The following SLC35F3 variants were observed in gnomAD, a reference collection of about 807,000 sequenced individuals.
The protein encoded by SLC35F3 is putative thiamine transporter SLC35F3.
SLC35F3 carries 25 observed loss-of-function variants against 49.9 expected under a neutral mutation model. That is an observed-to-expected ratio of 0.50 (90% CI 0.37 to 0.70). The LOEUF (loss-of-function observed/expected upper bound fraction) is 0.70, where lower values mean the gene tolerates loss of function less well. SLC35F3 is among the 30% of genes least tolerant of loss of function. The probability of loss-of-function intolerance (pLI) is 0.00; values close to 1 mark genes in which losing one functional copy is unlikely to be tolerated. For missense variants in SLC35F3, 525 were observed against 639.8 expected (o/e 0.82, Z 1.94); for synonymous variants, 275 against 265.4 (o/e 1.04, Z -0.35).
chr1:234,078,173 C>T (rs1468014715), intron 2 of SLC35F3, among the ~76,000 whole-genome samples: 1 of 152,138 alleles, frequency 6.6e-6, no homozygotes, highest in Non-Finnish European at 1.5e-5. Flanking sequence ...GGTTCCTTTC[C>T]TCTACCATTT....
chr1:234,101,403 G>C (rs1042460778), intron 2 of SLC35F3, among the ~76,000 whole-genome samples: 1 of 152,162 alleles, frequency 6.6e-6, no homozygotes, highest in African/African-American at 2.4e-5. Flanking sequence ...GGTGGAGATA[G>C]TAACAGAACC....
intron 2 of SLC35F3, among the ~76,000 whole-genome samples, chr1:233,997,514 C>T (rs953271375): frequency 6.6e-6 from 1 of 152,122 alleles, no homozygotes; most frequent in Non-Finnish European, 1.5e-5. Flanking sequence ...AGCACCTTTG[C>T]ATATACCTGT....
At chr1:234,268,942 C>T (rs1243349332) in intron 3 of SLC35F3, 1 of 152,178 alleles carries the variant, frequency 6.6e-6, no homozygotes, top group Non-Finnish European at 1.5e-5. Context: ...CACACACATA[C>T]ACACACAGAC....
At chr1:234,133,622 G>C (rs1030209861) in intron 2 of SLC35F3, among the ~76,000 whole-genome samples, 2 of 152,164 alleles carry the variant, frequency 1.3e-5, no homozygotes, top group Non-Finnish European at 2.9e-5. Flanking sequence ...ATAATCAAGA[G>C]TTAAATTTAG....
intron 2 of SLC35F3, among the ~76,000 whole-genome samples, chr1:233,936,351 A>C (rs1418433132): frequency 1.3e-5 from 2 of 152,168 alleles, no homozygotes; most frequent in Non-Finnish European, 2.9e-5. Context: ...TTACTGGATA[A>C]GTTTTTCTAG....
At chr1:234,045,277 T>C (rs1664272850) in intron 2 of SLC35F3, among the ~76,000 whole-genome samples, 1 of 152,182 alleles carries the variant, frequency 6.6e-6, no homozygotes, top group South Asian at 2.1e-4. Flanking sequence ...TTTTCACAAA[T>C]AGAATCAGAT....
chr1:234,144,436 T>C (rs976272412), intron 2 of SLC35F3, among the ~76,000 whole-genome samples: 3 of 152,224 alleles, frequency 2.0e-5, no homozygotes, highest in Non-Finnish European at 4.4e-5. Context: ...GTGGTTCCAT[T>C]TGGTAATTCT....
chr1:234,124,577 T>C (rs1331625485), intron 2 of SLC35F3, among the ~76,000 whole-genome samples: 2 of 152,080 alleles, frequency 1.3e-5, no homozygotes, highest in African/African-American at 4.8e-5. Context: ...CTAAAGAAAC[T>C]GAATTCCAGC....
At position 234,214,094 on chromosome 1, in the gene SLC35F3, G is replaced by T; in HGVS notation, c.284-17323G>T. On this transcript the variant is annotated intron_variant, in intron 2 of 7. Coordinates refer to ENST00000366618, the MANE Select transcript of SLC35F3 (RefSeq NM_173508.4). The surrounding 1 kb of genome is among the most constrained non-coding windows in gnomAD (Gnocchi z 8.0). ...CTTCTCAGAGAGGTGGTGGCCAGAG[G>T]CTGCAGTCAGGACCTGGCTGGGAGG... 7.1e-6 allele frequency: 6 copies of T among 848,418 alleles called. No individual in the cohort carries two copies. The highest frequency in any genetic ancestry group is 8.6e-6 in the Non-Finnish European group (6 of 697,836). 52.6% of individuals were successfully genotyped at this position (848,418 alleles called of 1,614,324 possible).
chr1:234,064,558 G>C (rs997130911), intron 2 of SLC35F3, among the ~76,000 whole-genome samples: 1 of 152,092 alleles, frequency 6.6e-6, no homozygotes, highest in East Asian at 1.9e-4. Flanking sequence ...GCTACCCCCA[G>C]GGTCCTGTGG....
chr1:234,123,800 T>C (rs1222747269), intron 2 of SLC35F3, among the ~76,000 whole-genome samples: 1 of 152,138 alleles, frequency 6.6e-6, no homozygotes, highest in African/African-American at 2.4e-5. Context: ...CAAGCTGATG[T>C]AAGAAAAGAA....
chr1:234,323,239 G>A lies in SLC35F3; in HGVS notation c.1469G>A (p.Arg490His), dbSNP rs369511920. 17 of 1,612,764 alleles carry A rather than the reference G, an allele frequency of 1.1e-5. No homozygotes were observed. The highest frequency in any genetic ancestry group is 6.7e-5 in the African/African-American group (5 of 74,850). ...AGAAGAGCCCGCCCTTCCTTCGCCC[G>A]CTAACACCACTCCTCTAGAACTCGG... ...KNRRARPSFAR is the reference protein window; with the variant it reads ...KNRRARPSFAH The change falls in exon 8 of 8, where the codon CGC becomes CAC. Residue 490 changes from arginine (R) to histidine (H), a missense_variant. Around this residue, in one of 4 missense-constraint regions of SLC35F3, gnomAD observed 76 missense variants for 95.6 expected, o/e 0.80. Transcript: ENST00000366618. This position sits in a 1 kb window ranked among gnomAD's most constrained non-coding sequence, Gnocchi z 4.5.
chr1:234,262,548 T>A (rs1181505157), intron 3 of SLC35F3, among the ~76,000 whole-genome samples: 4 of 152,182 alleles, frequency 2.6e-5, no homozygotes, highest in African/African-American at 9.7e-5. Context: ...TCCACTTCCT[T>A]CTAGGTAAGC....
At chr1:234,215,998 T>G (rs1352821325) in intron 2 of SLC35F3, among the ~76,000 whole-genome samples, 1 of 152,164 alleles carries the variant, frequency 6.6e-6, no homozygotes, top group Non-Finnish European at 1.5e-5. Flanking sequence ...GAGGTTGGGT[T>G]TTTTTCCTTC....
chr1:233,927,201 T>C (rs1662174057), intron 2 of SLC35F3, among the ~76,000 whole-genome samples: 1 of 152,184 alleles, frequency 6.6e-6, no homozygotes, highest in Admixed American at 6.5e-5. Context: ...TGAATAAAGT[T>C]TCTATAAACA....
At chr1:233,960,629 T>G (rs1662783816) in intron 2 of SLC35F3, among the ~76,000 whole-genome samples, 1 of 152,222 alleles carries the variant, frequency 6.6e-6, no homozygotes, top group South Asian at 2.1e-4. Flanking sequence ...CTTTTTAAGT[T>G]AGATCATTTC....
At chr1:233,979,958 A>G (rs980776082) in intron 2 of SLC35F3, among the ~76,000 whole-genome samples, 4 of 152,200 alleles carry the variant, frequency 2.6e-5, no homozygotes, top group Non-Finnish European at 5.9e-5. Context: ...ACCTGAAAGC[A>G]GACAGGGCTG....
At chr1:234,010,710 CT>C (rs769426907) in intron 2 of SLC35F3, among the ~76,000 whole-genome samples, 64 of 152,104 alleles carry the variant, frequency 4.2e-4, no homozygotes, top group Non-Finnish European at 7.7e-4. Flanking sequence ...TGAATATTTG[CT>C]TTGTATATTT....
At chr1:234,117,619 G>T (rs1481111467) in intron 2 of SLC35F3, among the ~76,000 whole-genome samples, 42 of 148,698 alleles carry the variant, frequency 2.8e-4, no homozygotes, top group Admixed American at 6.9e-5. Context: ...GGGCGCAGTG[G>T]CTCATGCCTG....
Sources: gnomAD v4.1 joint callset for allele counts (sites outside exome capture counted in the v4.1 genomes callset) on GRCh38, gnomAD v4.1.1 for gene constraint, gnomAD v4.1.1 regional missense constraint, Gnocchi (gnomAD v3.1) non-coding constraint, MANE v1.5 for transcripts, NCBI Gene and HGNC (gene_info 2026-07-23, HGNC 2026-07-21) for gene names.